HELLS: variants seen among roughly 807,000 people sequenced by gnomAD.
HELLS encodes lymphoid-specific helicase.
In HELLS, 32 loss-of-function variants were observed where a neutral mutation model predicts 120.0. That is an observed-to-expected ratio of 0.27 (90% CI 0.20 to 0.36). The LOEUF (loss-of-function observed/expected upper bound fraction) is 0.36. Ranked by LOEUF, HELLS falls within the 10% of genes least tolerant of loss-of-function variation. The pLI, the probability that HELLS is intolerant of heterozygous loss-of-function variation, is 1.00. For synonymous variants in HELLS, 341 were observed against 323.4 expected (o/e 1.05, Z -0.58); for missense variants, 650 against 993.4 (o/e 0.65, Z 4.65).
At chr10:94,605,302 C>T (rs777792710), downstream of HELLS, among the ~76,000 whole-genome samples, 9 of 152,070 alleles carry the variant, frequency 5.9e-5, no homozygotes, top group Non-Finnish European at 1.2e-4. Flanking sequence ...ACGCTGGTCT[C>T]GAACTCCTGA....
At chr10:94,595,188 A>C (rs755816935) in intron 19 of HELLS, among the ~76,000 whole-genome samples, 23 of 152,124 alleles carry the variant, frequency 1.5e-4, no homozygotes, top group Non-Finnish European at 2.8e-4. Context: ...AGATCGTGCC[A>C]CTGCACTCTA....
In HELLS at chr10:94,594,682, TTTTAAC is replaced by T. The variant is rs780639345; in HGVS notation, c.2089-7_2089-2del. The T allele has an allele frequency of 6.3e-6, 10 of 1,581,860 alleles. No homozygotes were observed. The highest frequency in any genetic ancestry group is 6.9e-6 in the Non-Finnish European group (8 of 1,166,332). On this transcript the variant is annotated splice_polypyrimidine_tract_variant and splice_region_variant and intron_variant, in intron 18 of 21. Coordinates refer to ENST00000348459, the MANE Select transcript of HELLS (RefSeq NM_018063.5). ...TAATACCGTTAAATATTATTTTTCTTTTTAACTTTAAGAACCCCCAGTCGGATCTTC... is the reference window on the plus strand; with the variant it reads ...TAATACCGTTAAATATTATTTTTCTTTTTAAGAACCCCCAGTCGGATCTTC...
chr10:94,610,742 C>T (rs953587634), exon 10 of HELLS: 20 of 152,298 alleles, frequency 1.3e-4, no homozygotes, highest in African/African-American at 4.1e-4. Context: ...GCTCCCACTA[C>T]CATTCCCAGA....
intron 4 of HELLS, 136 bp downstream of exon 4, chr10:94,558,331 C>A: frequency 9.5e-7 from 1 of 1,057,334 alleles, no homozygotes; most frequent in Non-Finnish European, 1.3e-6. Context: ...ACAAGCAATG[C>A]AGAAACATGT....
At chr10:94,561,211 A>G (rs970441369) in intron 4 of HELLS, among the ~76,000 whole-genome samples, 2 of 152,036 alleles carry the variant, frequency 1.3e-5, no homozygotes, top group Non-Finnish European at 1.5e-5. Context: ...GGCTTAAGCT[A>G]TCCCCCACAC....
intron 9 of HELLS, 36 bp from the exon 10 acceptor site, chr10:94,576,626 C>T: frequency 7.9e-7 from 1 of 1,260,674 alleles, no homozygotes; most frequent in Non-Finnish European, 1.1e-6. Flanking sequence ...ACATTTTGTT[C>T]TTAAGTCTGA....
chr10:94,593,490 T>G lies in HELLS; in HGVS notation c.1972-9T>G. The G allele has an allele frequency of 1.3e-6, 2 of 1,539,420 alleles. No individual in the cohort carries two copies. The highest frequency in any genetic ancestry group is 1.8e-6 in the Non-Finnish European group (2 of 1,112,332). On this transcript the variant is annotated splice_polypyrimidine_tract_variant and intron_variant, in intron 17 of 21. Coordinates refer to ENST00000348459, the MANE Select transcript of HELLS (RefSeq NM_018063.5). ...TAATCTGTTGTATTTACATCCTTTT[T>G]GCTTTTAGATGCACAGCTTCAACAC...
At chr10:94,546,032 T>G (rs1302073337) in intron 1 of HELLS, 80 bp downstream of exon 1, 49 of 1,501,944 alleles carry the variant, frequency 3.3e-5, no homozygotes, top group Non-Finnish European at 4.1e-5. Context: ...CGGCGGAGTT[T>G]CGGGGAGGGA....
chr10:94,567,212 T>G (rs1396287805), intron 6 of HELLS, among the ~76,000 whole-genome samples: 1 of 152,176 alleles, frequency 6.6e-6, no homozygotes, highest in Middle Eastern at 3.2e-3. Context: ...TCTTTGCCTT[T>G]CAATTATAGA....
At chr10:94,604,304 T>C (rs1354210069), downstream of HELLS, among the ~76,000 whole-genome samples, 1 of 151,990 alleles carries the variant, frequency 6.6e-6, no homozygotes, top group African/African-American at 2.4e-5. Context: ...TTCTTATTTT[T>C]AGTAGAAACG....
chr10:94,585,845 C>T (rs1336799743), intron 12 of HELLS, among the ~76,000 whole-genome samples: 1 of 152,060 alleles, frequency 6.6e-6, no homozygotes, highest in Non-Finnish European at 1.5e-5. Flanking sequence ...GTTGCTGGAA[C>T]CAAAGGTGCA....
intron 6 of HELLS, 154 bp from the exon 7 acceptor site, chr10:94,571,234 T>C (rs1844141605): frequency 1.7e-6 from 1 of 578,750 alleles, no homozygotes; most frequent in South Asian, 2.1e-5. Context: ...CAGTAATGTC[T>C]ATAGGCTTAT....
intron 21 of HELLS, among the ~76,000 whole-genome samples, chr10:94,599,924 A>G (rs889855046): frequency 6.6e-6 from 1 of 152,200 alleles, no homozygotes; most frequent in African/African-American, 2.4e-5. Context: ...GTGGATATGA[A>G]TGGTTACTAC....
At chr10:94,610,467 T>A (rs1175071506) in exon 10 of HELLS, 1 of 151,960 alleles carries the variant, frequency 6.6e-6, no homozygotes, top group Non-Finnish European at 1.5e-5. Flanking sequence ...TGTTAACTGT[T>A]AAACAGAAAA....
In HELLS at chr10:94,596,918, G is replaced by A. The variant is rs750252219; in HGVS notation, c.2307G>A (p.Lys769=). The part of the protein sequence containing the change: ...LNLSKNFLDP[K]ELMELLKSRD... Reference sequence around the variant, plus strand: ...TGTCTAAGAATTTCTTAGATCCTAAGGAATTAATGGAATTATTAAAATCTA... The same window carrying A: ...TGTCTAAGAATTTCTTAGATCCTAAAGAATTAATGGAATTATTAAAATCTA... Residue 769 remains lysine, a synonymous_variant, in exon 20 of 22, where the codon AAG becomes AAA. Transcript: ENST00000348459. 7.2e-5 allele frequency: 108 copies of A among 1,507,664 alleles called. No individual in the cohort carries two copies. Among genetic ancestry groups the A allele is most frequent in the Non-Finnish European group, 9.8e-5 (106 of 1,084,954 alleles). The allele number at this position is 1,507,664 out of a possible 1,614,324, so 93.4% of individuals were successfully genotyped here.
At chr10:94,549,068 C>T (rs1460072308) in intron 2 of HELLS, among the ~76,000 whole-genome samples, 1 of 151,762 alleles carries the variant, frequency 6.6e-6, no homozygotes, top group East Asian at 1.9e-4. Flanking sequence ...GTTGTGGTTT[C>T]GTATTACATT....
At chr10:94,575,186 G>A (rs1341211339) in intron 9 of HELLS, among the ~76,000 whole-genome samples, 3 of 138,996 alleles carry the variant, frequency 2.2e-5, no homozygotes, top group Non-Finnish European at 4.5e-5. Flanking sequence ...TGCAATCTCT[G>A]CCTCCCATGA....
At chr10:94,548,128 T>C (rs2134265708) in intron 2 of HELLS, among the ~76,000 whole-genome samples, 1 of 152,310 alleles carries the variant, frequency 6.6e-6, no homozygotes, top group Non-Finnish European at 1.5e-5. Context: ...TTCTTGAGGG[T>C]GCATCACTTG....
Position 94,595,176 on chromosome 10 carries a change from C to T in HELLS, c.2248+322C>T, listed in dbSNP as rs143872179. 3.2e-3 allele frequency among the ~76,000 whole-genome samples: 490 copies of T among 151,724 alleles called. 3 individuals are homozygous for T. The highest frequency in any genetic ancestry group is 0.011 in the African/African-American group (459 of 41,328). On this transcript the variant is annotated intron_variant, in intron 19 of 21. Coordinates refer to ENST00000348459, the MANE Select transcript of HELLS (RefSeq NM_018063.5). ...CCGGGAGGAGGAGGTTGCAGTGAGC[C>T]GAGATCGTGCCACTGCACTCTAGCC...
Sources: allele counts gnomAD v4.1 joint callset (sites outside exome capture counted in the v4.1 genomes callset), GRCh38; gene constraint gnomAD v4.1.1; transcripts MANE v1.5; gene names NCBI Gene and HGNC (gene_info 2026-07-23, HGNC 2026-07-21).